Variants in NRK observed in about 807,000 individuals in gnomAD.
The protein encoded by NRK is Nik related kinase, also known as nik-related protein kinase.
A neutral mutation model predicts 125.2 loss-of-function variants in NRK; 67 were observed. That is an observed-to-expected ratio of 0.54 (90% CI 0.44 to 0.66). The LOEUF is 0.66. Ranked by LOEUF, NRK falls within the 30% of genes least tolerant of loss-of-function variation. The probability of loss-of-function intolerance (pLI) is 0.00; values close to 1 mark genes in which losing one functional copy is unlikely to be tolerated. For missense variants in NRK, 1,224 were observed against 1,192.9 expected (o/e 1.03, Z -0.38); for synonymous variants, 458 against 429.0 (o/e 1.07, Z -0.84).
In NRK at chrX:105,834,414, T is replaced by C. The variant is rs781173066; in HGVS notation, c.123+3295T>C. Among the ~76,000 whole-genome samples the C allele has an allele frequency of 6.3e-5, 7 of 110,614 alleles. No homozygotes were observed. In the South Asian group the frequency reaches 2.7e-3, roughly 43 times the overall value. On this transcript the variant is annotated intron_variant, in intron 2 of 28. Coordinates refer to ENST00000243300, the MANE Select transcript of NRK (RefSeq NM_198465.4). Reference sequence around the variant, plus strand: ...AGATTTTTCTCTTTGTCTTTGTTTTTCAGCAGTTTAAATATGAAATGTCTG... The same window carrying C: ...AGATTTTTCTCTTTGTCTTTGTTTTCCAGCAGTTTAAATATGAAATGTCTG...
chrX:105,837,216 A>G (rs2039277292), intron 2 of NRK, among the ~76,000 whole-genome samples: 2 of 111,816 alleles, frequency 1.8e-5, no homozygotes, highest in South Asian at 7.3e-4. Flanking sequence ...TAATGTCTGT[A>G]ATATAATATT....
chrX:105,950,578 G>GT (rs1246499599), intron 27 of NRK, among the ~76,000 whole-genome samples: 9 of 89,878 alleles, frequency 1.0e-4, no homozygotes, highest in Non-Finnish European at 1.6e-4. Flanking sequence ...GTGTGTGTGT[G>GT]GAGAGAGAGA....
Position 105,822,689 on chromosome X carries a change from CCCT to C in NRK, c.-152_-150del. 1 of 550,924 alleles carries C rather than the reference CCCT, an allele frequency of 1.8e-6. No homozygotes were observed. The highest frequency in any genetic ancestry group is 2.2e-5 in the African/African-American group (1 of 44,678). The allele number at this position is 550,924 out of a possible 1,213,427, so 45.4% of individuals were successfully genotyped here. On this transcript the variant is annotated 5_prime_UTR_variant, in exon 1 of 29. Transcript: ENST00000243300. ...CCCAACTCTTTTCACTACACGTTTC[CCCT>C]CCTCTATCTCCCACGCCACGAACCC...
chrX:105,926,994 A>G (rs772581392), intron 19 of NRK, among the ~76,000 whole-genome samples: 1 of 110,340 alleles, frequency 9.1e-6, no homozygotes, highest in East Asian at 2.9e-4. Flanking sequence ...AAATTTTAGG[A>G]TTTTTTTCCT....
At chrX:105,876,141 A>C (rs1015662124) in intron 2 of NRK, among the ~76,000 whole-genome samples, 2 of 110,485 alleles carry the variant, frequency 1.8e-5, no homozygotes, top group African/African-American at 6.6e-5. Flanking sequence ...GATTGGGGAG[A>C]TATTGGTCAA....
intron 4 of NRK, among the ~76,000 whole-genome samples, chrX:105,884,042 C>G (rs142398326): frequency 0.03 from 3,331 of 112,363 alleles, 53 homozygotes; most frequent in East Asian, 0.082. Context: ...TTGAAGGGAA[C>G]TTATTAACTG....
At chrX:105,882,519 T>G (rs187370700) in intron 4 of NRK, among the ~76,000 whole-genome samples, 49 of 111,610 alleles carry the variant, frequency 4.4e-4, no homozygotes, top group African/African-American at 1.6e-3. Flanking sequence ...AGTTGAATTT[T>G]TGCTCTTATC....
chrX:105,865,010 C>T lies in NRK; in HGVS notation c.124-15189C>T, dbSNP rs371145673. 1.3e-4 allele frequency among the ~76,000 whole-genome samples: 14 copies of T among 111,508 alleles called. 1 individual carries two copies. The East Asian group carries it at 3.7e-3, about 29-fold the overall frequency. ...CTAGCCATATACACAACTCTTTATG[C>T]CCCCCTTCAGGCTCCTGTTGGGGAT... is the stretch of plus-strand genomic sequence containing the variant. On this transcript the variant is annotated intron_variant, in intron 2 of 28. Transcript: ENST00000243300.
intron 2 of NRK, among the ~76,000 whole-genome samples, chrX:105,866,536 C>A (rs1199673310): frequency 9.0e-6 from 1 of 111,473 alleles, no homozygotes; most frequent in East Asian, 2.8e-4. Flanking sequence ...GAATCCGTAT[C>A]CTATAGAACA....
At position 105,871,629 on chromosome X, in the gene NRK, G is replaced by C. The variant is rs773777584; in HGVS notation, c.124-8570G>C. 2.7e-5 allele frequency among the ~76,000 whole-genome samples: 3 copies of C among 111,272 alleles called. No homozygotes were observed. In the South Asian group the frequency reaches 1.1e-3, roughly 42 times the overall value. On this transcript the variant is annotated intron_variant, in intron 2 of 28. Coordinates refer to ENST00000243300, the MANE Select transcript of NRK (RefSeq NM_198465.4). The stretch of plus-strand genomic sequence containing the variant: ...GGTACTGTGCTAGACCCTAAATTTA[G>C]AGAGGAAAGTTACCCTTAGGGAGCT...
chrX:105,895,262 G>A, intron 6 of NRK, 171 bp from the exon 7 acceptor site: 1 of 535,920 alleles, frequency 1.9e-6, no homozygotes, highest in Non-Finnish European at 3.4e-6. Flanking sequence ...TCTGGGAACG[G>A]GTTGTAGTGA....
intron 2 of NRK, among the ~76,000 whole-genome samples, chrX:105,874,437 A>G (rs918104093): frequency 8.9e-6 from 1 of 112,081 alleles, no homozygotes; most frequent in Non-Finnish European, 1.9e-5. Context: ...CTTTACAATT[A>G]TTGGGTAACC....
At chrX:105,853,521 G>A (rs2039498188) in intron 2 of NRK, among the ~76,000 whole-genome samples, 1 of 111,705 alleles carries the variant, frequency 9.0e-6, no homozygotes, top group Non-Finnish European at 1.9e-5. Flanking sequence ...ACACGCGCAA[G>A]CACACACAGA....
At chrX:105,889,040 G>A (rs774609369) in intron 5 of NRK, among the ~76,000 whole-genome samples, 3 of 111,827 alleles carry the variant, frequency 2.7e-5, no homozygotes, top group Admixed American at 9.5e-5. Flanking sequence ...AAAGTCTGCC[G>A]TACAAATTCT....
chrX:105,914,221 C>A (rs1293220315), intron 14 of NRK, among the ~76,000 whole-genome samples: 1 of 110,694 alleles, frequency 9.0e-6, no homozygotes, highest in African/African-American at 3.3e-5. Context: ...TACAATTCCC[C>A]TAATACTAAC....
chrX:105,947,853 C>CA (rs1360469277), intron 26 of NRK, among the ~76,000 whole-genome samples: 2 of 112,110 alleles, frequency 1.8e-5, no homozygotes, highest in Non-Finnish European at 3.8e-5. Flanking sequence ...ATTGTCAGGA[C>CA]ATTAGTGGGG....
At chrX:105,840,998 G>A (rs970026520) in intron 2 of NRK, among the ~76,000 whole-genome samples, 1 of 110,577 alleles carries the variant, frequency 9.0e-6, no homozygotes, top group Non-Finnish European at 1.9e-5. Context: ...TAGTTAACTA[G>A]GTCCTCATCA....
rs486999 is a variant in NRK, at chrX:105,900,913, A to G, written c.766+241A>G. ...TCAGCTTGTACTTTTCTTTCTTATA[A>G]TATCTTATTTTACATTGACTGAGTG... On this transcript the variant is annotated intron_variant, in intron 9 of 28. Coordinates refer to ENST00000243300, the MANE Select transcript of NRK (RefSeq NM_198465.4). 6.9e-3 allele frequency among the ~76,000 whole-genome samples: 765 copies of G among 111,102 alleles called. 8 individuals are homozygous for G. Among genetic ancestry groups the G allele is most frequent in the South Asian group, 0.059 (153 of 2,577 alleles).
intron 24 of NRK, among the ~76,000 whole-genome samples, chrX:105,944,513 C>T (rs1325115567): frequency 1.8e-5 from 2 of 111,739 alleles, no homozygotes; most frequent in African/African-American, 3.3e-5. Flanking sequence ...AGGACCTCCC[C>T]ACCAGCGCCT....
Sources: gnomAD v4.1 joint callset for allele counts (sites outside exome capture counted in the v4.1 genomes callset) on GRCh38, gnomAD v4.1.1 for gene constraint, MANE v1.5 for transcripts, NCBI Gene and HGNC (gene_info 2026-07-23, HGNC 2026-07-21) for gene names.